The following PTPRN2 variants were observed in gnomAD, a reference collection of about 807,000 sequenced individuals.
The protein encoded by PTPRN2 is receptor-type tyrosine-protein phosphatase N2.
A neutral mutation model predicts 118.8 loss-of-function variants in PTPRN2; 74 were observed. The observed-to-expected ratio is 0.62, with a 90% CI of 0.52 to 0.76. The LOEUF (loss-of-function observed/expected upper bound fraction) is 0.76. Ranked by LOEUF, PTPRN2 falls within the 30% of genes least tolerant of loss-of-function variation. The pLI is 0.00. For missense variants in PTPRN2, 1,481 were observed against 1,394.4 expected (o/e 1.06, Z -0.99); for synonymous variants, 641 against 608.0 (o/e 1.05, Z -0.80).
chr7:157,736,348 A>G (rs1800295965), intron 12 of PTPRN2, among the ~76,000 whole-genome samples: 1 of 152,196 alleles, frequency 6.6e-6, no homozygotes, highest in African/African-American at 2.4e-5. Context: ...CCATGTGCCT[A>G]TATTTGGAGA....
intron 3 of PTPRN2, among the ~76,000 whole-genome samples, chr7:158,242,857 A>C (rs185408320): frequency 1.3e-5 from 2 of 152,260 alleles, no homozygotes; most frequent in Admixed American, 1.3e-4. Flanking sequence ...TTTCTGTGGT[A>C]TCCATTGTAA....
At position 157,578,121 on chromosome 7, in the gene PTPRN2, C is replaced by T. The variant is rs1204667970; in HGVS notation, c.2516G>A (p.Cys839Tyr). 6.2e-7 allele frequency: 1 copy of T among 1,612,168 alleles called. No individual in the cohort carries two copies. The highest frequency in any genetic ancestry group is 8.5e-7 in the Non-Finnish European group (1 of 1,179,266). Residue 839 changes from cysteine to tyrosine, a missense_variant, in exon 18 of 23, where the codon TGC becomes TAC. Around this residue, in one of 3 missense-constraint regions of PTPRN2, gnomAD observed 362 missense variants for 384.1 expected, o/e 0.94. Coordinates refer to ENST00000389418, the MANE Select transcript of PTPRN2 (RefSeq NM_002847.5). ...DFWQMVWESG[C>Y]VVIVMLTPLA... is the part of the protein sequence containing the mutation. ...GGGTGTCAGCATGACGATCACCACG[C>T]AGCCGCTCTCCCACACCATCTGCGG...
At chr7:157,819,976 A>C (rs974310046) in intron 12 of PTPRN2, among the ~76,000 whole-genome samples, 1 of 151,728 alleles carries the variant, frequency 6.6e-6, no homozygotes, top group Non-Finnish European at 1.5e-5. Flanking sequence ...ACACGTTCAC[A>C]CGCACAACAC....
chr7:157,719,812 A>G (rs764736294), intron 12 of PTPRN2, among the ~76,000 whole-genome samples: 3 of 152,274 alleles, frequency 2.0e-5, no homozygotes, highest in Non-Finnish European at 2.9e-5. Context: ...CAAAGGTCTC[A>G]TTAATTTACA....
At position 157,863,957 on chromosome 7, in the gene PTPRN2, G is replaced by A. The variant is rs1810432951; in HGVS notation, c.1788+34716C>T. The A allele has an allele frequency of 2.0e-5, 3 of 152,220 alleles. No individual in the cohort carries two copies. The South Asian group carries it at 6.2e-4, about 32-fold the overall frequency. 9.4% of individuals were successfully genotyped at this position (152,220 alleles called of 1,614,324 possible). On this transcript the variant is annotated intron_variant, in intron 12 of 22. Coordinates refer to ENST00000389418, the MANE Select transcript of PTPRN2 (RefSeq NM_002847.5). The stretch of plus-strand genomic sequence containing the variant: ...ATCATTTAAGCTGCCCTGTCTGTGG[G>A]ACTTTGCCTCGGCAGCCTGAGCAGA...
At chr7:158,274,830 A>G (rs1798854770) in intron 3 of PTPRN2, among the ~76,000 whole-genome samples, 1 of 152,150 alleles carries the variant, frequency 6.6e-6, no homozygotes, top group African/African-American at 2.4e-5. Flanking sequence ...TTCACATAGA[A>G]ACACAGGTCA....
rs1226497592 is a variant in PTPRN2 at position 157,964,854 on chromosome 7, C to T, written c.1724-66117G>A. Among the ~76,000 whole-genome samples the T allele has an allele frequency of 2.0e-5, 3 of 152,218 alleles. No individual in the cohort carries two copies. The highest frequency in any genetic ancestry group is 4.1e-4 in the South Asian group (2 of 4,828). ...GATCCTCCTCTTGCCCCAATTTCTCCACCGCACAGACTCGCCAGGGCTTTG... is the reference window on the plus strand; with the variant it reads ...GATCCTCCTCTTGCCCCAATTTCTCTACCGCACAGACTCGCCAGGGCTTTG... On this transcript the variant is annotated intron_variant, in intron 11 of 22. Coordinates refer to ENST00000389418, the MANE Select transcript of PTPRN2 (RefSeq NM_002847.5). The surrounding 1 kb of genome is among the most constrained non-coding windows in gnomAD (Gnocchi z 9.0).
Position 158,273,556 on chromosome 7 carries a change from G to T in PTPRN2, c.277+43263C>A. On this transcript the variant is annotated intron_variant, in intron 3 of 22. Coordinates refer to ENST00000389418, the MANE Select transcript of PTPRN2 (RefSeq NM_002847.5). ...CAGACACGGGGAGCCGCAGACACAG[G>T]GGGAGCCGCAGGCACAGGGGGAGCC... Among the ~76,000 whole-genome samples, 6 of 113,030 alleles carry T rather than the reference G, an allele frequency of 5.3e-5. 1 individual carries two copies. Among genetic ancestry groups the T allele is most frequent in the African/African-American group, 2.5e-4 (6 of 23,694 alleles). 74.2% of individuals were successfully genotyped at this position (113,030 alleles called of 152,430 possible).
intron 3 of PTPRN2, among the ~76,000 whole-genome samples, chr7:158,256,010 A>G (rs117095676): frequency 0.028 from 4,302 of 152,030 alleles, 102 homozygotes; most frequent in Non-Finnish European, 0.045. Flanking sequence ...GCCAGTGCTG[A>G]CTCCAGCTTC....
chr7:158,567,128 T>G (rs1036583937), intron 1 of PTPRN2, among the ~76,000 whole-genome samples: 26 of 152,392 alleles, frequency 1.7e-4, no homozygotes, highest in African/African-American at 6.0e-4. Context: ...AACAGCTCCC[T>G]GTGCTTCTAA....
intron 12 of PTPRN2, among the ~76,000 whole-genome samples, chr7:157,877,820 A>G (rs1336698771): frequency 2.0e-5 from 3 of 152,118 alleles, no homozygotes; most frequent in Non-Finnish European, 1.5e-5. Context: ...CAGAAACCAC[A>G]TTCCCCAAGC....
At chr7:158,318,175 G>C (rs941673237) in intron 2 of PTPRN2, among the ~76,000 whole-genome samples, 1 of 152,182 alleles carries the variant, frequency 6.6e-6, no homozygotes, top group Admixed American at 6.5e-5. Flanking sequence ...TGATGGACAG[G>C]CCGCACCACA....
chr7:157,571,585 G>T, intron 19 of PTPRN2, 92 bp from the exon 20 acceptor site: 1 of 916,030 alleles, frequency 1.1e-6, no homozygotes, highest in Non-Finnish European at 1.7e-6. Context: ...AGGTCTGTGT[G>T]TTTGAAATCA....
intron 3 of PTPRN2, among the ~76,000 whole-genome samples, chr7:158,249,289 A>T (rs779671100): frequency 4.0e-5 from 6 of 149,998 alleles, no homozygotes; most frequent in Non-Finnish European, 7.4e-5. Flanking sequence ...CCATACACAC[A>T]TGCATACATA....
At chr7:157,875,702 G>A (rs1795717941) in intron 12 of PTPRN2, among the ~76,000 whole-genome samples, 3 of 152,162 alleles carry the variant, frequency 2.0e-5, no homozygotes, top group South Asian at 4.1e-4. Context: ...GGGGTCAGGA[G>A]GGGCTGAGTC....
chr7:158,324,651 G>A (rs1803336793), intron 2 of PTPRN2, among the ~76,000 whole-genome samples: 1 of 151,856 alleles, frequency 6.6e-6, no homozygotes, highest in African/African-American at 2.4e-5. Context: ...CTCCATAAGT[G>A]AAGCAGGTGA....
At chr7:157,867,693 A>G (rs189753587) in intron 12 of PTPRN2, among the ~76,000 whole-genome samples, 157 of 152,362 alleles carry the variant, frequency 1.0e-3, no homozygotes, top group Middle Eastern at 3.4e-3. Flanking sequence ...AATCAACATG[A>G]ATAAACTTCA....
intron 1 of PTPRN2, among the ~76,000 whole-genome samples, chr7:158,512,758 T>C (rs1197949504): frequency 6.6e-6 from 1 of 152,112 alleles, no homozygotes; most frequent in Non-Finnish European, 1.5e-5. Flanking sequence ...GCCTAAAGCC[T>C]CTTGTAGTGT....
At chr7:157,738,056 T>A (rs773226181) in intron 12 of PTPRN2, among the ~76,000 whole-genome samples, 3 of 152,244 alleles carry the variant, frequency 2.0e-5, no homozygotes, top group Non-Finnish European at 2.9e-5. Context: ...AGAGCTGTTA[T>A]TTTGAAATTA....
Sources: gnomAD v4.1 joint callset for allele counts (sites outside exome capture counted in the v4.1 genomes callset) on GRCh38, gnomAD v4.1.1 for gene constraint, gnomAD v4.1.1 regional missense constraint, Gnocchi (gnomAD v3.1) non-coding constraint, MANE v1.5 for transcripts, NCBI Gene and HGNC (gene_info 2026-07-23, HGNC 2026-07-21) for gene names.